The following USP36 variants were observed in gnomAD, a reference collection of about 807,000 sequenced individuals.
The protein encoded by USP36 is ubiquitin specific peptidase 36.
USP36 carries 59 observed loss-of-function variants against 111.5 expected under a neutral mutation model. The ratio of observed to expected loss-of-function variants is 0.53; its 90% confidence interval spans 0.43 to 0.66. The LOEUF (loss-of-function observed/expected upper bound fraction) is 0.66. Ranked by LOEUF, USP36 falls within the 30% of genes least tolerant of loss-of-function variation. The pLI, the probability that USP36 is intolerant of heterozygous loss-of-function variation, is 0.00. For synonymous variants in USP36, 628 were observed against 581.0 expected (o/e 1.08, Z -1.16); for missense variants, 1,488 against 1,468.0 (o/e 1.01, Z -0.22).
chr17:78,820,607 C>CCCTGTAG (rs2094295975), intron 8 of USP36, among the ~76,000 whole-genome samples: 1 of 152,130 alleles, frequency 6.6e-6, no homozygotes, highest in Non-Finnish European at 1.5e-5. Context: ...CCCTCCCGCA[C>CCCTGTAG]CCTGTAGCTG....
chr17:78,806,922 C>A, intron 14 of USP36, 37 bp downstream of exon 14: 1 of 1,603,950 alleles, frequency 6.2e-7, no homozygotes. Context: ...TGGAGCTCTC[C>A]TGATACACAG....
Position 78,798,425 on chromosome 17 carries a change from G to A in USP36, c.3367C>T (p.Arg1123Cys), listed in dbSNP as rs772083577. 1.6e-5 allele frequency: 26 copies of A among 1,613,970 alleles called. 1 individual carries two copies. The highest frequency in any genetic ancestry group is 1.6e-4 in the Middle Eastern group (1 of 6,084). The change falls in exon 20 of 21, where the codon CGC becomes TGC. Residue 1123 changes from arginine to cysteine, a missense_variant. Around this residue, in one of 3 missense-constraint regions of USP36, gnomAD observed 1,073 missense variants for 994.1 expected, o/e 1.08. Coordinates refer to ENST00000449938, the MANE Select transcript of USP36 (RefSeq NM_001385174.1). This position sits in a 1 kb window ranked among gnomAD's most constrained non-coding sequence, Gnocchi z 5.1. ...CTCCTTCCACAGGGGCACAGTCAGC[G>A]GCGATAGCTGAGGCTGGCAGCCTTT... ...PAKAASLSYRR is the reference protein window; with the variant it reads ...PAKAASLSYRC
intron 4 of USP36, among the ~76,000 whole-genome samples, chr17:78,833,185 A>G (rs1308633192): frequency 6.6e-6 from 1 of 152,190 alleles, no homozygotes; most frequent in Non-Finnish European, 1.5e-5. Context: ...CTTCATCTCA[A>G]CAACTATGCC....
intron 3 of USP36, among the ~76,000 whole-genome samples, chr17:78,788,835 G>A (rs2093557474): frequency 2.0e-5 from 3 of 152,134 alleles, no homozygotes; most frequent in Admixed American, 1.3e-4. Context: ...CCAGAATGCT[G>A]CCTCTTGCCA....
chr17:78,835,183 A>C (rs1019495731), intron 4 of USP36, 97 bp downstream of exon 4: 2 of 1,299,162 alleles, frequency 1.5e-6, no homozygotes, highest in African/African-American at 2.9e-5. Context: ...TACCCTCCTA[A>C]ATTTGACCCA....
chr17:78,821,171 G>C, intron 7 of USP36, 110 bp from the exon 8 acceptor site: 1 of 1,058,896 alleles, frequency 9.4e-7, no homozygotes, highest in East Asian at 2.6e-5. Flanking sequence ...TTTGGCCAAA[G>C]ATGAGATTCC....
At chr17:78,840,334 G>A (rs1160263078) in intron 1 of USP36, 3 of 151,368 alleles carry the variant, frequency 2.0e-5, no homozygotes, top group African/African-American at 7.4e-5. Context: ...CCCGCCCCGG[G>A]GCCGCACCCG....
intron 3 of USP36, among the ~76,000 whole-genome samples, chr17:78,789,814 G>A (rs1466843334): frequency 1.3e-5 from 2 of 152,198 alleles, no homozygotes; most frequent in African/African-American, 2.4e-5. Context: ...TCACCAAAAT[G>A]TTTTCACTTA....
intron 2 of USP36, among the ~76,000 whole-genome samples, chr17:78,837,347 C>A (rs900348): frequency 0.21 from 32,096 of 151,654 alleles, 3,531 homozygotes; most frequent in African/African-American, 0.27. Flanking sequence ...GAAGAAAAGC[C>A]AAGCAGGAGA....
At chr17:78,807,888 G>A (rs1027361117) in intron 13 of USP36, among the ~76,000 whole-genome samples, 4 of 152,204 alleles carry the variant, frequency 2.6e-5, no homozygotes, top group Admixed American at 2.6e-4. Context: ...ATTTTTGACA[G>A]AGATGGGGTT....
chr17:78,815,956 A>G (rs112349667), intron 10 of USP36, among the ~76,000 whole-genome samples: 4,698 of 152,180 alleles, frequency 0.031, 225 homozygotes, highest in African/African-American at 0.11. Flanking sequence ...GCATGCACAC[A>G]CATATACATA....
intron 6 of USP36, 70 bp downstream of exon 6, chr17:78,827,175 G>A (rs2067628436): frequency 1.5e-6 from 2 of 1,363,482 alleles, no homozygotes; most frequent in Non-Finnish European, 2.0e-6. Context: ...TGTTGCCATA[G>A]GAATGTTCTG....
At position 78,803,731 on chromosome 17, in the gene USP36, T is replaced by C; in HGVS notation, c.2464A>G (p.Arg822Gly). The C allele has an allele frequency of 6.2e-7, 1 of 1,612,200 alleles. No individual in the cohort carries two copies. Residue 822 changes from arginine (R) to glycine (G), a missense_variant, in exon 16 of 21, where the codon AGG becomes GGG. Around this residue, in one of 3 missense-constraint regions of USP36, gnomAD observed 1,073 missense variants for 994.1 expected, o/e 1.08. Transcript: ENST00000449938. This position sits in a 1 kb window ranked among gnomAD's most constrained non-coding sequence, Gnocchi z 4.6. ...RKKTFVGEPQ[R>G]LGSETRLPQH... The stretch of plus-strand genomic sequence containing the variant: ...GGGAGGCGCGTCTCTGAGCCCAGCC[T>C]CTGCGGCTCTCCCACAAAGGTCTTT...
intron 15 of USP36, among the ~76,000 whole-genome samples, chr17:78,805,847 A>C (rs2093884431): frequency 6.6e-6 from 1 of 152,178 alleles, no homozygotes; most frequent in South Asian, 2.1e-4. Context: ...GCTGGTAGGG[A>C]TACAGGACAG....
chr17:78,819,392 T>C (rs2094264946), intron 9 of USP36, among the ~76,000 whole-genome samples: 1 of 152,172 alleles, frequency 6.6e-6, no homozygotes, highest in Admixed American at 6.5e-5. Context: ...GCCAACAAGG[T>C]GAAACCCTGT....
At position 78,798,504 on chromosome 17, in the gene USP36, G is replaced by A. The variant is rs73394916; in HGVS notation, c.3288C>T (p.Asn1096=). 2.1e-3 allele frequency: 3,312 copies of A among 1,614,022 alleles called. 59 individuals are homozygous for A. In the African/African-American group the frequency reaches 0.038, roughly 19 times the overall value. Residue 1096 remains asparagine (N), a synonymous_variant, in exon 20 of 21, where the codon AAC becomes AAT. Transcript: ENST00000449938. This position sits in a 1 kb window ranked among gnomAD's most constrained non-coding sequence, Gnocchi z 5.1. ...GTCGAGTCTGAAGTTTCTGGAAGGC[G>A]TTGAAGTTTCTCCTCTTCTCTCTCT... ...KFKREKRRNF[N]AFQKLQTRRN...
Position 78,803,366 on chromosome 17 carries a change from A to G in USP36, c.2810+19T>C, listed in dbSNP as rs764209207. On this transcript the variant is annotated intron_variant, in intron 16 of 20. Transcript: ENST00000449938. This position sits in a 1 kb window ranked among gnomAD's most constrained non-coding sequence, Gnocchi z 4.6. ...TTCTCGTCAGAGGTAGACAGATGCC[A>G]CTTTGCTCCTGCCCTTACCTGTGCC... is the stretch of plus-strand genomic sequence containing the variant. 1 of 1,602,218 alleles carries G rather than the reference A, an allele frequency of 6.2e-7. No individual in the cohort carries two copies. Among genetic ancestry groups the G allele is most frequent in the Non-Finnish European group, 8.5e-7 (1 of 1,171,618 alleles).
chr17:78,807,097 G>A lies in USP36; in HGVS notation c.1947C>T (p.Gly649=), dbSNP rs143816156. The A allele has an allele frequency of 1.5e-4, 243 of 1,614,246 alleles. No individual in the cohort carries two copies. Among genetic ancestry groups the A allele is most frequent in the East Asian group, 4.0e-4 (18 of 44,876 alleles). ...CTCCACTTGGCGGCGTTTTGGAGTGGCCAGCGGTGGAACAGTTCGTTTCCT... is the reference window on the plus strand; with the variant it reads ...CTCCACTTGGCGGCGTTTTGGAGTGACCAGCGGTGGAACAGTTCGTTTCCT... The part of the protein sequence containing the change: ...DSQETNCSTA[G]HSKTPPSGAD... The change falls in exon 14 of 21, where the codon GGC becomes GGT. Residue 649 remains glycine, a synonymous_variant. Transcript: ENST00000449938.
In USP36 at chr17:78,821,420, A is replaced by ATAT. The variant is rs1192213715; in HGVS notation, c.758-360_758-359insATA. On this transcript the variant is annotated intron_variant, in intron 7 of 20. Transcript: ENST00000449938. ...TATATATATATATATATATATATAT[A>ATAT]TTTTTTTTTTTTTTTTTTTTTTTTT... The ATAT allele has an allele frequency of 6.0e-3, 206 of 34,536 alleles. 5 individuals are homozygous for ATAT. The highest frequency in any genetic ancestry group is 7.8e-3 in the Non-Finnish European group (169 of 21,680). 2.1% of individuals were successfully genotyped at this position (34,536 alleles called of 1,614,324 possible). A position where few individuals can be genotyped will look rare whatever the true frequency, so the allele number is the denominator to read the frequency against.
Sources: allele counts gnomAD v4.1 joint callset (sites outside exome capture counted in the v4.1 genomes callset), GRCh38; gene constraint gnomAD v4.1.1; regional missense constraint gnomAD v4.1.1; non-coding constraint Gnocchi (gnomAD v3.1); transcripts MANE v1.5; gene names NCBI Gene and HGNC (gene_info 2026-07-23, HGNC 2026-07-21).